The following TLK2 variants were observed in gnomAD, a reference collection of about 807,000 sequenced individuals.
TLK2 encodes serine/threonine-protein kinase tousled-like 2.
A neutral mutation model predicts 117.3 loss-of-function variants in TLK2; 6 were observed. That is an observed-to-expected ratio of 0.05 (90% CI 0.03 to 0.10). TLK2 has a LOEUF of 0.10. Among genes scored for constraint, TLK2 ranks in the 10% least tolerant of loss-of-function variants. The probability of loss-of-function intolerance (pLI) is 1.00; values close to 1 mark genes in which losing one functional copy is unlikely to be tolerated. For synonymous variants in TLK2, 257 were observed against 316.7 expected, an observed-to-expected ratio of 0.81 and a Z score of 2.00; for missense variants, 299 against 901.2, an observed-to-expected ratio of 0.33 and a Z score of 8.56.
At chr17:62,523,408 G>A (rs1198325207) in intron 5 of TLK2, among the ~76,000 whole-genome samples, 1 of 152,076 alleles carries the variant, frequency 6.6e-6, no homozygotes, top group East Asian at 1.9e-4. Flanking sequence ...GGGAAACCCT[G>A]TCTCTACAAA....
At chr17:62,540,223 C>A (rs2077419845) in intron 7 of TLK2, among the ~76,000 whole-genome samples, 1 of 150,136 alleles carries the variant, frequency 6.7e-6, no homozygotes, top group Non-Finnish European at 1.5e-5. Context: ...TAGGTGTGGG[C>A]CACCGTGCCT....
intron 2 of TLK2, among the ~76,000 whole-genome samples, chr17:62,506,566 G>T (rs1275217901): frequency 6.6e-6 from 1 of 152,102 alleles, no homozygotes; most frequent in Non-Finnish European, 1.5e-5. Context: ...AACAGAAGAA[G>T]CCACAAAACT....
intron 10 of TLK2, among the ~76,000 whole-genome samples, chr17:62,561,737 A>G (rs1268822452): frequency 6.6e-6 from 1 of 152,250 alleles, no homozygotes; most frequent in African/African-American, 2.4e-5. Context: ...TCAACTTTAT[A>G]GAAAAGAAAC....
At chr17:62,537,377 C>A (rs1447586271) in intron 7 of TLK2, among the ~76,000 whole-genome samples, 4 of 152,218 alleles carry the variant, frequency 2.6e-5, no homozygotes, top group African/African-American at 9.7e-5. Flanking sequence ...CCTTGAATAA[C>A]GTCATTTCAT....
chr17:62,501,751 G>A (rs1226495693), intron 2 of TLK2, among the ~76,000 whole-genome samples: 1 of 152,120 alleles, frequency 6.6e-6, no homozygotes, highest in African/African-American at 2.4e-5. Flanking sequence ...CTTGAGCCCA[G>A]GAGTTTGAGA....
intron 2 of TLK2, among the ~76,000 whole-genome samples, chr17:62,495,327 A>G (rs2073539534): frequency 6.6e-6 from 1 of 152,222 alleles, no homozygotes; most frequent in East Asian, 1.9e-4. Context: ...CAATATTATT[A>G]GGAATAAATT....
chr17:62,529,254 T>C (rs2145703096), intron 6 of TLK2, among the ~76,000 whole-genome samples: 1 of 152,298 alleles, frequency 6.6e-6, no homozygotes, highest in East Asian at 1.9e-4. Context: ...ATTTTTATTT[T>C]TGAGACAGGT....
chr17:62,568,691 TCTC>T (rs1373248975), intron 11 of TLK2, among the ~76,000 whole-genome samples: 1 of 151,762 alleles, frequency 6.6e-6, no homozygotes, highest in East Asian at 2.0e-4. Flanking sequence ...TTCAAGTGAT[TCTC>T]CTGCCTCAGC....
chr17:62,543,799 G>T (rs1420946396), intron 7 of TLK2, among the ~76,000 whole-genome samples: 2 of 152,134 alleles, frequency 1.3e-5, no homozygotes. Flanking sequence ...CTTCTTGACG[G>T]TGTCCTGTGA....
intron 2 of TLK2, among the ~76,000 whole-genome samples, chr17:62,502,756 A>C (rs1246976037): frequency 1.3e-5 from 2 of 152,238 alleles, no homozygotes; most frequent in East Asian, 3.8e-4. Context: ...AAAAGCGAAA[A>C]AGAAAAGCAA....
intron 7 of TLK2, among the ~76,000 whole-genome samples, chr17:62,537,882 A>G (rs867586467): frequency 6.6e-6 from 1 of 152,104 alleles, no homozygotes; most frequent in African/African-American, 2.4e-5. Flanking sequence ...GAATTGACCT[A>G]TATAATATTG....
At chr17:62,606,759 T>G (rs2083333044) in intron 20 of TLK2, among the ~76,000 whole-genome samples, 1 of 152,254 alleles carries the variant, frequency 6.6e-6, no homozygotes, top group Admixed American at 6.5e-5. Context: ...AGTGGTAAAC[T>G]ACACCTAATG....
At chr17:62,563,661 G>T (rs1016856707) in intron 10 of TLK2, among the ~76,000 whole-genome samples, 1 of 152,116 alleles carries the variant, frequency 6.6e-6, no homozygotes, top group Admixed American at 6.5e-5. Flanking sequence ...TCTTTACCGC[G>T]TCTGTACTTA....
chr17:62,478,556 C>CCGCCCGT (rs1280128289), upstream of TLK2, among the ~76,000 whole-genome samples: 2 of 150,238 alleles, frequency 1.3e-5, no homozygotes, highest in Non-Finnish European at 3.0e-5. Flanking sequence ...TCAGCCGGCG[C>CCGCCCGT]CGCCCGTCGC....
intron 16 of TLK2, among the ~76,000 whole-genome samples, chr17:62,591,952 T>A (rs1003317211): frequency 6.6e-6 from 1 of 152,036 alleles, no homozygotes; most frequent in African/African-American, 2.4e-5. Context: ...CTACATTCTT[T>A]CTTCTTTTTT....
intron 2 of TLK2, among the ~76,000 whole-genome samples, chr17:62,497,156 C>G (rs150865775): frequency 6.6e-6 from 1 of 151,424 alleles, no homozygotes; most frequent in African/African-American, 2.4e-5. Context: ...TGCATCTGTC[C>G]GGGAGGCTGA....
rs2076884013 is a variant in TLK2 at position 62,533,394 on chromosome 17, G to GTGTC, written c.364-2773_364-2772insCTGT. Among the ~76,000 whole-genome samples the GTGTC allele has an allele frequency of 3.8e-5, 5 of 131,380 alleles. 1 individual carries two copies. Among genetic ancestry groups the GTGTC allele is most frequent in the Admixed American group, 1.5e-4 (2 of 12,906 alleles). The allele number at this position is 131,380 out of a possible 152,430, so 86.2% of individuals were successfully genotyped here. A position where few individuals can be genotyped will look rare whatever the true frequency, so the allele number is the denominator to read the frequency against. On this transcript the variant is annotated intron_variant, in intron 6 of 21. Coordinates refer to ENST00000346027, the MANE Select transcript of TLK2 (RefSeq NM_006852.6). The stretch of plus-strand genomic sequence containing the variant: ...TGTGTGTGTGTGTGTGTGTGTGTCT[G>GTGTC]TGTGTGTGTGTGTAATTTTTTTTTT...
chr17:62,605,036 A>C (rs2083173438), intron 19 of TLK2, among the ~76,000 whole-genome samples: 1 of 151,842 alleles, frequency 6.6e-6, no homozygotes, highest in Non-Finnish European at 1.5e-5. Context: ...ATATTAAAAA[A>C]TCAAGAACTG....
At chr17:62,608,244 T>A in intron 21 of TLK2, 96 bp downstream of exon 21, 1 of 892,540 alleles carries the variant, frequency 1.1e-6, no homozygotes, top group Non-Finnish European at 1.7e-6. Context: ...CAGTGTGAAA[T>A]TCAGCAGTTA....
Sources: allele counts gnomAD v4.1 joint callset (sites outside exome capture counted in the v4.1 genomes callset), GRCh38; gene constraint gnomAD v4.1.1; transcripts MANE v1.5; gene names NCBI Gene and HGNC (gene_info 2026-07-23, HGNC 2026-07-21).